The following RMDN2 variants were observed in gnomAD, a reference collection of about 807,000 sequenced individuals.
RMDN2 encodes the protein regulator of microtubule dynamics protein 2.
RMDN2 carries 61 observed loss-of-function variants against 52.8 expected under a neutral mutation model. The observed-to-expected ratio is 1.16, with a 90% CI of 0.94 to 1.43. The LOEUF (loss-of-function observed/expected upper bound fraction) is 1.43, where lower values mean the gene tolerates loss of function less well. RMDN2 is among the 40% of genes most tolerant of loss of function. The pLI is 0.00. For missense variants in RMDN2, 592 were observed against 475.3 expected, an observed-to-expected ratio of 1.25 and a Z score of -2.28; for synonymous variants, 180 against 153.1, an observed-to-expected ratio of 1.18 and a Z score of -1.30.
chr2:37,975,027 A>G, intron 3 of RMDN2, 185 bp from the exon 4 acceptor site: 1 of 587,004 alleles, frequency 1.7e-6, no homozygotes, highest in South Asian at 2.0e-5. Context: ...ACATTAGGTC[A>G]TATTTCTTAG....
intron 4 of RMDN2, among the ~76,000 whole-genome samples, chr2:37,975,867 T>C (rs1001511732): frequency 2.0e-5 from 3 of 152,184 alleles, no homozygotes; most frequent in African/African-American, 7.2e-5. Context: ...TTCAGAAATA[T>C]TTGAATATAT....
chr2:38,013,282 T>C (rs925041684), intron 10 of RMDN2, among the ~76,000 whole-genome samples: 3 of 152,200 alleles, frequency 2.0e-5, no homozygotes, highest in Admixed American at 1.3e-4. Flanking sequence ...AGCTCAAATA[T>C]AAAAAGCATT....
chr2:37,929,301 G>A lies in RMDN2; in HGVS notation c.24G>A (p.Glu8=). MPYSTNK[E]LILGIMVGTA... The stretch of plus-strand genomic sequence containing the variant: ...AAATGCCTTATTCCACAAACAAAGA[G>A]TTGATACTTGGCATCATGGTGGGCA... Residue 8 remains glutamate, a synonymous_variant, in exon 2 of 11, where the codon GAG becomes GAA. Coordinates refer to ENST00000354545, the MANE Select transcript of RMDN2 (RefSeq NM_001170791.3). The A allele has an allele frequency of 1.0e-5, 16 of 1,541,502 alleles. No individual in the cohort carries two copies. The highest frequency in any genetic ancestry group is 1.4e-5 in the Non-Finnish European group (16 of 1,142,258).
intron 1 of RMDN2, among the ~76,000 whole-genome samples, chr2:37,926,345 C>A (rs1666274373): frequency 6.6e-6 from 1 of 152,160 alleles, no homozygotes; most frequent in African/African-American, 2.4e-5. Flanking sequence ...TCAGACATTT[C>A]TTCAGAAAAC....
intron 6 of RMDN2, among the ~76,000 whole-genome samples, chr2:37,990,194 C>T (rs929205111): frequency 4.7e-5 from 7 of 148,760 alleles, no homozygotes; most frequent in Admixed American, 1.4e-4. Flanking sequence ...AAAGAAGTCA[C>T]GGAGTAGATG....
At chr2:37,936,006 C>T (rs915187674) in intron 2 of RMDN2, among the ~76,000 whole-genome samples, 4 of 152,058 alleles carry the variant, frequency 2.6e-5, no homozygotes, top group South Asian at 2.1e-4. Flanking sequence ...CCTATCAACC[C>T]GTCATCTATG....
At chr2:38,012,151 G>T (rs1460206317) in intron 10 of RMDN2, among the ~76,000 whole-genome samples, 3 of 152,038 alleles carry the variant, frequency 2.0e-5, no homozygotes, top group Non-Finnish European at 4.4e-5. Flanking sequence ...AGAACATACT[G>T]TTCCACTTCC....
chr2:38,028,689 C>G (rs1679959716), intron 10 of RMDN2, among the ~76,000 whole-genome samples: 1 of 152,196 alleles, frequency 6.6e-6, no homozygotes, highest in South Asian at 2.1e-4. Flanking sequence ...CCTGGGCCAG[C>G]TTTGCCCAGC....
intron 10 of RMDN2, among the ~76,000 whole-genome samples, chr2:38,007,620 A>C (rs4567911): frequency 0.59 from 89,653 of 151,974 alleles, 27,967 homozygotes; most frequent in East Asian, 0.89. Context: ...GTCTTCCTAG[A>C]GGTCTATCAA....
intron 5 of RMDN2, among the ~76,000 whole-genome samples, chr2:37,982,907 A>C (rs770965362): frequency 3.9e-5 from 6 of 152,152 alleles, no homozygotes; most frequent in African/African-American, 1.2e-4. Context: ...TGTGGTGATC[A>C]AGCCCTACTC....
chr2:37,984,811 C>G (rs987856404), intron 5 of RMDN2, among the ~76,000 whole-genome samples: 12 of 151,130 alleles, frequency 7.9e-5, no homozygotes, highest in African/African-American at 2.9e-4. Flanking sequence ...TGTGAATTAA[C>G]TTTTTTCAGA....
intron 5 of RMDN2, among the ~76,000 whole-genome samples, chr2:37,984,163 C>T (rs1315781141): frequency 6.6e-6 from 1 of 152,128 alleles, no homozygotes; most frequent in African/African-American, 2.4e-5. Flanking sequence ...AGTTTTATCT[C>T]TATCTTTTCT....
At chr2:37,923,855 T>C (rs1276572157), upstream of RMDN2, among the ~76,000 whole-genome samples, 1 of 152,166 alleles carries the variant, frequency 6.6e-6, no homozygotes, top group Non-Finnish European at 1.5e-5. Flanking sequence ...GTTTAAGCAA[T>C]TCTCATGCCT....
chr2:38,053,800 C>T (rs1475884474), intron 10 of RMDN2, among the ~76,000 whole-genome samples: 1 of 152,158 alleles, frequency 6.6e-6, no homozygotes, highest in Non-Finnish European at 1.5e-5. Context: ...TGCCAGGATC[C>T]TACCCTAGAG....
intron 2 of RMDN2, among the ~76,000 whole-genome samples, chr2:37,959,860 C>T (rs899109044): frequency 1.3e-5 from 2 of 150,924 alleles, no homozygotes; most frequent in African/African-American, 5.0e-5. Flanking sequence ...TCTTAGTTCT[C>T]ATTGGTTTCA....
rs568017422 is a variant in RMDN2 at position 38,053,203 on chromosome 2, A to AT, written c.1714-13771dup. ...ACATGATTTTCTTACTCAAATTATG[A>AT]TTTTTTTTGGAAGGAAAAAATAGTG... On this transcript the variant is annotated intron_variant, in intron 10 of 10. Coordinates refer to the RMDN2 transcript ENST00000234195. Among the ~76,000 whole-genome samples, 10 of 152,206 alleles carry AT rather than the reference A, an allele frequency of 6.6e-5. No individual in the cohort carries two copies. In the East Asian group the frequency reaches 1.2e-3, roughly 18 times the overall value.
intron 5 of RMDN2, among the ~76,000 whole-genome samples, chr2:37,981,906 A>G (rs1463469829): frequency 6.6e-6 from 1 of 151,964 alleles, no homozygotes; most frequent in East Asian, 1.9e-4. Flanking sequence ...TAAATTATAA[A>G]TTATAAAACA....
intron 10 of RMDN2, among the ~76,000 whole-genome samples, chr2:38,062,775 C>T (rs1390728939): frequency 8.3e-6 from 1 of 120,276 alleles, no homozygotes; most frequent in Non-Finnish European, 2.0e-5. Context: ...CCCTTCCCCC[C>T]CCCCACAACA....
At chr2:38,057,472 T>C (rs572704663) in intron 10 of RMDN2, among the ~76,000 whole-genome samples, 1 of 152,288 alleles carries the variant, frequency 6.6e-6, no homozygotes, top group South Asian at 2.1e-4. Flanking sequence ...CTATGGAAAA[T>C]GGGTGGTGGA....
Sources: allele counts gnomAD v4.1 joint callset (sites outside exome capture counted in the v4.1 genomes callset), GRCh38; gene constraint gnomAD v4.1.1; transcripts MANE v1.5; gene names NCBI Gene and HGNC (gene_info 2026-07-23, HGNC 2026-07-21).